Variants in FRRS1 observed in about 807,000 individuals in gnomAD.
The protein encoded by FRRS1 is ferric chelate reductase 1.
FRRS1 carries 51 observed loss-of-function variants against 70.7 expected under a neutral mutation model. The ratio of observed to expected loss-of-function variants is 0.72; its 90% confidence interval spans 0.58 to 0.91. The LOEUF (loss-of-function observed/expected upper bound fraction) is 0.91, where lower values mean the gene tolerates loss of function less well. FRRS1 is among the 40% of genes least tolerant of loss of function. The pLI, the probability that FRRS1 is intolerant of heterozygous loss-of-function variation, is 0.00. For synonymous variants in FRRS1, 225 were observed against 238.7 expected, an observed-to-expected ratio of 0.94 and a Z score of 0.53; for missense variants, 672 against 726.0, an observed-to-expected ratio of 0.93 and a Z score of 0.86.
intron 4 of FRRS1, among the ~76,000 whole-genome samples, chr1:99,743,231 G>A (rs1428228997): frequency 1.3e-5 from 2 of 152,114 alleles, no homozygotes; most frequent in Non-Finnish European, 2.9e-5. Flanking sequence ...TACAATACAT[G>A]GTTAATGTCA....
At chr1:99,744,856 C>T (rs1438356873) in intron 4 of FRRS1, among the ~76,000 whole-genome samples, 1 of 149,686 alleles carries the variant, frequency 6.7e-6, no homozygotes, top group Non-Finnish European at 1.5e-5. Context: ...TGTAGTCCCA[C>T]CTACTCGGGA....
chr1:99,709,786 A>T (rs980542261), intron 15 of FRRS1, among the ~76,000 whole-genome samples: 11 of 152,140 alleles, frequency 7.2e-5, no homozygotes, highest in Non-Finnish European at 1.5e-4. Flanking sequence ...TGGGCAACAA[A>T]GTGAGACCCT....
chr1:99,746,172 G>C (rs1656254086), intron 4 of FRRS1, among the ~76,000 whole-genome samples: 1 of 152,178 alleles, frequency 6.6e-6, no homozygotes, highest in South Asian at 2.1e-4. Context: ...CAACACCAAA[G>C]CCACTGAAGT....
Position 99,706,559 on chromosome 1 carries a change from C to G in FRRS1, c.*2469G>C, listed in dbSNP as rs1255198934. On this transcript the variant is annotated 3_prime_UTR_variant, in exon 17 of 17. Coordinates refer to ENST00000646001, the MANE Select transcript of FRRS1 (RefSeq NM_001361041.2). ...CAACACTCGAAATATAGCAAGCCCACATATTTGAAGACCAAACACATCAAG... is the reference window on the plus strand; with the variant it reads ...CAACACTCGAAATATAGCAAGCCCAGATATTTGAAGACCAAACACATCAAG... 6.6e-6 allele frequency among the ~76,000 whole-genome samples: 1 copy of G among 152,150 alleles called. No individual in the cohort carries two copies. The highest frequency in any genetic ancestry group is 1.5e-5 in the Non-Finnish European group (1 of 68,030).
chr1:99,728,773 G>T, intron 8 of FRRS1, 133 bp from the exon 9 acceptor site: 3 of 585,238 alleles, frequency 5.1e-6, no homozygotes, highest in Non-Finnish European at 8.6e-6. Flanking sequence ...CAGTGTCATT[G>T]TTTTTCCACT....
rs745580724 is a variant in FRRS1 at position 99,712,422 on chromosome 1, G to A, written c.1417C>T (p.Pro473Ser). The change falls in exon 13 of 17, where the codon CCA becomes TCA. Residue 473 changes from proline (P) to serine (S), a missense_variant. Coordinates refer to ENST00000646001, the MANE Select transcript of FRRS1 (RefSeq NM_001361041.2). ...ATATAGAAAGGCTCTAAGTACCTTG[G>A]GTCATGTAAAGGTGGCCTGAAGACT... ...LAVFRPPLHD[P>S]RRQMFNWTHW... 6.3e-7 allele frequency: 1 copy of A among 1,599,236 alleles called. No individual in the cohort carries two copies. The highest frequency in any genetic ancestry group is 8.6e-7 in the Non-Finnish European group (1 of 1,168,354).
intron 5 of FRRS1, among the ~76,000 whole-genome samples, chr1:99,741,248 A>G (rs1350708106): frequency 6.6e-6 from 1 of 152,240 alleles, no homozygotes; most frequent in Admixed American, 6.5e-5. Context: ...TGGCATATGA[A>G]GAACATACTA....
At chr1:99,757,060 C>A (rs1571157443) in intron 1 of FRRS1, among the ~76,000 whole-genome samples, 1 of 147,174 alleles carries the variant, frequency 6.8e-6, no homozygotes. Context: ...AAAATATCTA[C>A]ATAATTTGGA....
At chr1:99,765,458 G>T (rs1031399967) in intron 1 of FRRS1, 1 of 152,240 alleles carries the variant, frequency 6.6e-6, no homozygotes, top group East Asian at 1.9e-4. Context: ...AAAATTAGCC[G>T]GGTGTGGTGG....
intron 7 of FRRS1, among the ~76,000 whole-genome samples, chr1:99,735,237 T>C (rs1056564819): frequency 2.0e-5 from 3 of 152,210 alleles, no homozygotes; most frequent in Non-Finnish European, 4.4e-5. Flanking sequence ...CAAGAACCTA[T>C]TGACGACATG....
intron 9 of FRRS1, among the ~76,000 whole-genome samples, chr1:99,720,764 TAAC>T (rs1654774177): frequency 6.6e-6 from 1 of 151,408 alleles, no homozygotes; most frequent in Non-Finnish European, 1.5e-5. Context: ...AGATACTTCA[TAAC>T]AAAACATGTG....
chr1:99,733,579 G>A (rs565014243), intron 7 of FRRS1, among the ~76,000 whole-genome samples: 48 of 152,268 alleles, frequency 3.2e-4, no homozygotes, highest in African/African-American at 8.9e-4. Flanking sequence ...CCGAATTGGC[G>A]TCAGTATGAC....
chr1:99,757,246 G>C (rs1349586648), intron 1 of FRRS1, among the ~76,000 whole-genome samples: 4 of 151,372 alleles, frequency 2.6e-5, no homozygotes, highest in African/African-American at 7.3e-5. Context: ...TTTGTTTTAT[G>C]CTGGTTACAC....
rs1414575066 is a variant in FRRS1 at position 99,704,423 on chromosome 1, G to C, written c.*4605C>G. 1.3e-5 allele frequency among the ~76,000 whole-genome samples: 2 copies of C among 152,196 alleles called. No homozygotes were observed. Among genetic ancestry groups the C allele is most frequent in the Admixed American group, 6.5e-5 (1 of 15,282 alleles). On this transcript the variant is annotated 3_prime_UTR_variant, in exon 17 of 17. Coordinates refer to ENST00000646001, the MANE Select transcript of FRRS1 (RefSeq NM_001361041.2). ...AGCTTTTGTAAGTGATAACGGGAGG[G>C]AAGTGCTGGGAAGGGCGTGGTCCCT...
At position 99,704,053 on chromosome 1, in the gene FRRS1, G is replaced by A. The variant is rs574637197; in HGVS notation, c.*4975C>T. ...TTTATAAAAAGTATACATTTTACATGCAAAATTTATTAAGTTTAACACTGC... is the reference window on the plus strand; with the variant it reads ...TTTATAAAAAGTATACATTTTACATACAAAATTTATTAAGTTTAACACTGC... On this transcript the variant is annotated 3_prime_UTR_variant, in exon 17 of 17. Coordinates refer to ENST00000646001, the MANE Select transcript of FRRS1 (RefSeq NM_001361041.2). 6.6e-6 allele frequency among the ~76,000 whole-genome samples: 1 copy of A among 152,202 alleles called. No homozygotes were observed. Among genetic ancestry groups the A allele is most frequent in the East Asian group, 1.9e-4 (1 of 5,174 alleles).
At chr1:99,724,668 T>C (rs762658923) in intron 9 of FRRS1, among the ~76,000 whole-genome samples, 7 of 152,142 alleles carry the variant, frequency 4.6e-5, no homozygotes, top group Non-Finnish European at 1.0e-4. Flanking sequence ...GAGGCAATGA[T>C]TTATGTGATA....
rs569226762 is a variant in FRRS1 at position 99,717,183 on chromosome 1, C to T, written c.1236+227G>A. 5.3e-5 allele frequency among the ~76,000 whole-genome samples: 8 copies of T among 152,288 alleles called. No homozygotes were observed. The East Asian group carries it at 1.5e-3, about 29-fold the overall frequency. The stretch of plus-strand genomic sequence containing the variant: ...CAAAGGGACTCACATGGTCCTGACA[C>T]ATTCTCCAGTCCAGCCTGACTCTTC... On this transcript the variant is annotated intron_variant, in intron 11 of 16. Coordinates refer to ENST00000646001, the MANE Select transcript of FRRS1 (RefSeq NM_001361041.2).
chr1:99,751,912 A>G (rs1317333854), intron 1 of FRRS1, among the ~76,000 whole-genome samples: 1 of 152,220 alleles, frequency 6.6e-6, no homozygotes, highest in Non-Finnish European at 1.5e-5. Flanking sequence ...TAATACATAT[A>G]ATTATTTTTA....
intron 12 of FRRS1, among the ~76,000 whole-genome samples, chr1:99,715,076 C>T (rs375865445): frequency 6.6e-4 from 100 of 152,166 alleles, no homozygotes; most frequent in African/African-American, 2.4e-3. Context: ...AGGCTGGTTT[C>T]GAATTCCTGA....
Sources: gnomAD v4.1 joint callset for allele counts (sites outside exome capture counted in the v4.1 genomes callset) on GRCh38, gnomAD v4.1.1 for gene constraint, MANE v1.5 for transcripts, NCBI Gene and HGNC (gene_info 2026-07-23, HGNC 2026-07-21) for gene names.